Variants in FGF12 observed in about 807,000 individuals in gnomAD.
FGF12 encodes the protein fibroblast growth factor 12.
FGF12 carries 14 observed loss-of-function variants against 23.6 expected under a neutral mutation model. The observed-to-expected ratio is 0.59, with a 90% confidence interval of 0.39 to 0.93. The LOEUF is 0.93. Among genes scored for constraint, FGF12 ranks in the 40% least tolerant of loss-of-function variants. The pLI, the probability that FGF12 is intolerant of heterozygous loss-of-function variation, is 0.00. For missense variants in FGF12, 175 were observed against 217.8 expected, an observed-to-expected ratio of 0.80 and a Z score of 1.24; for synonymous variants, 62 against 77.3, an observed-to-expected ratio of 0.80 and a Z score of 1.04.
intron 3 of FGF12, among the ~76,000 whole-genome samples, chr3:192,339,252 TATTA>T (rs1193783292): frequency 1.3e-5 from 2 of 152,214 alleles, no homozygotes; most frequent in African/African-American, 4.8e-5. Context: ...TACTGTTATC[TATTA>T]ATTATCTTCA....
In FGF12 at chr3:192,561,508, A is replaced by G. The variant is rs552708466; in HGVS notation, c.13+165673T>C. ...CTTCTGAGTAGCTGGGACTACAGGC[A>G]CCCGCCACCACGCCCAGCTAATTTT... On this transcript the variant is annotated intron_variant, in intron 2 of 5. Transcript: ENST00000445105. Among the ~76,000 whole-genome samples the G allele has an allele frequency of 2.8e-3, 429 of 152,016 alleles. 2 individuals are homozygous for G. Among genetic ancestry groups the G allele is most frequent in the African/African-American group, 7.6e-3 (315 of 41,490 alleles).
At chr3:192,319,183 C>CA (rs1268633154) in intron 4 of FGF12, among the ~76,000 whole-genome samples, 1 of 151,980 alleles carries the variant, frequency 6.6e-6, no homozygotes. Flanking sequence ...CATCTGAGGG[C>CA]AAAAAATTCA....
At chr3:192,703,679 C>T (rs1718375821) in intron 2 of FGF12, among the ~76,000 whole-genome samples, 1 of 152,206 alleles carries the variant, frequency 6.6e-6, no homozygotes, top group Admixed American at 6.5e-5. Context: ...CCACCCAAAT[C>T]TCATCAGTAA....
At chr3:192,689,308 T>C (rs1717867544) in intron 2 of FGF12, among the ~76,000 whole-genome samples, 1 of 152,178 alleles carries the variant, frequency 6.6e-6, no homozygotes, top group South Asian at 2.1e-4. Flanking sequence ...GACTTGATCA[T>C]TACACATTCT....
chr3:192,167,774 T>A (rs1423712595), intron 5 of FGF12, among the ~76,000 whole-genome samples: 4,905 of 38,650 alleles, frequency 0.13, 840 homozygotes, highest in Middle Eastern at 0.27. Context: ...TATATAAAAT[T>A]TTTTTTTTTT....
At chr3:192,593,514 A>G (rs544560814) in intron 2 of FGF12, among the ~76,000 whole-genome samples, 44 of 152,100 alleles carry the variant, frequency 2.9e-4, no homozygotes, top group African/African-American at 1.0e-3. Context: ...TTGCTACTGA[A>G]TACCCAGTGC....
chr3:192,639,087 C>A (rs535965358), intron 2 of FGF12, among the ~76,000 whole-genome samples: 1 of 152,294 alleles, frequency 6.6e-6, no homozygotes, highest in South Asian at 2.1e-4. Flanking sequence ...TTATAAAGAA[C>A]TCATACCATT....
At chr3:192,528,548 C>G (rs931334276) in intron 2 of FGF12, among the ~76,000 whole-genome samples, 27 of 152,268 alleles carry the variant, frequency 1.8e-4, no homozygotes, top group African/African-American at 6.3e-4. Context: ...GATGGTGGCC[C>G]TCTCAGCTCT....
At chr3:192,180,679 A>C (rs1400738261) in intron 4 of FGF12, among the ~76,000 whole-genome samples, 1 of 152,190 alleles carries the variant, frequency 6.6e-6, no homozygotes, top group Admixed American at 6.5e-5. Context: ...TTTTACATGA[A>C]ATTTCCTAAC....
At chr3:192,608,694 G>A (rs1714438258) in intron 2 of FGF12, among the ~76,000 whole-genome samples, 2 of 152,086 alleles carry the variant, frequency 1.3e-5, no homozygotes, top group Admixed American at 1.3e-4. Flanking sequence ...TCTAGAAGCA[G>A]ATGATTTCAT....
Position 192,143,998 on chromosome 3 carries a change from A to C in FGF12, c.*11T>G, listed in dbSNP as rs1462153067. The C allele has an allele frequency of 2.0e-6, 3 of 1,494,968 alleles. No homozygotes were observed. The highest frequency in any genetic ancestry group is 1.4e-5 in the African/African-American group (1 of 72,572). The allele number at this position is 1,494,968 out of a possible 1,614,324, so 92.6% of individuals were successfully genotyped here. A position where few individuals can be genotyped will look rare whatever the true frequency, so the allele number is the denominator to read the frequency against. ...AAGGGATGAGAGAGGGAAGAAGGGG[A>C]GAGTTCTCAGCTATGTTGAATCTTG... On this transcript the variant is annotated 3_prime_UTR_variant, in exon 6 of 6. Transcript: ENST00000445105.
At chr3:192,311,835 C>T (rs1287166430) in intron 4 of FGF12, among the ~76,000 whole-genome samples, 3 of 152,026 alleles carry the variant, frequency 2.0e-5, no homozygotes, top group Non-Finnish European at 2.9e-5. Context: ...GCCTTTGCAG[C>T]GGGTGGGAGG....
intron 2 of FGF12, among the ~76,000 whole-genome samples, chr3:192,439,006 T>C (rs1454593105): frequency 3.3e-5 from 5 of 152,238 alleles, no homozygotes; most frequent in African/African-American, 9.6e-5. Context: ...TAGTTGCATA[T>C]ACTGGTTTGC....
At chr3:192,214,093 T>C (rs569928848) in intron 4 of FGF12, among the ~76,000 whole-genome samples, 3 of 152,312 alleles carry the variant, frequency 2.0e-5, no homozygotes, top group South Asian at 4.1e-4. Flanking sequence ...CATTTCTCAA[T>C]CTAGAAGATG....
intron 2 of FGF12, among the ~76,000 whole-genome samples, chr3:192,400,965 C>A (rs182043780): frequency 3.9e-5 from 6 of 152,140 alleles, no homozygotes; most frequent in African/African-American, 7.2e-5. Context: ...ATCCTTTACA[C>A]TCCTAGAAAG....
chr3:192,159,741 T>C (rs954102488), intron 5 of FGF12, among the ~76,000 whole-genome samples: 2 of 152,172 alleles, frequency 1.3e-5, no homozygotes, highest in Non-Finnish European at 1.5e-5. Flanking sequence ...GACATGTTTG[T>C]TTGTCACCAC....
chr3:192,232,253 C>T (rs1005034917), intron 4 of FGF12, among the ~76,000 whole-genome samples: 3 of 152,080 alleles, frequency 2.0e-5, no homozygotes, highest in African/African-American at 7.2e-5. Flanking sequence ...ATCAACAGGT[C>T]ATTTTCTTTC....
At chr3:192,203,626 C>T (rs553504956) in intron 4 of FGF12, among the ~76,000 whole-genome samples, 15 of 145,886 alleles carry the variant, frequency 1.0e-4, no homozygotes, top group Admixed American at 2.1e-4. Context: ...TGGAGTGCAA[C>T]GGCACAATCA....
chr3:192,255,261 A>G (rs1277243529), intron 4 of FGF12, among the ~76,000 whole-genome samples: 6 of 152,106 alleles, frequency 3.9e-5, no homozygotes, highest in Non-Finnish European at 7.4e-5. Flanking sequence ...TATTAATGTT[A>G]GAGAAAAGTT....
Sources: allele counts gnomAD v4.1 joint callset (sites outside exome capture counted in the v4.1 genomes callset), GRCh38; gene constraint gnomAD v4.1.1; transcripts MANE v1.5; gene names NCBI Gene and HGNC (gene_info 2026-07-23, HGNC 2026-07-21).